The following RBM41 variants were observed in gnomAD, a reference collection of about 807,000 sequenced individuals.
RBM41 encodes RNA-binding protein 41.
A neutral mutation model predicts 30.8 loss-of-function variants in RBM41; 14 were observed. The observed-to-expected ratio is 0.45, with a 90% CI of 0.30 to 0.71. RBM41 has a LOEUF of 0.71. Ranked by LOEUF, RBM41 falls within the 30% of genes least tolerant of loss-of-function variation. RBM41 has a pLI of 0.08. For missense variants in RBM41, 276 were observed against 326.3 expected (o/e 0.85, Z 1.19); for synonymous variants, 120 against 110.1 (o/e 1.09, Z -0.56).
At chrX:107,118,738 G>A (rs766722624) in intron 1 of RBM41, 28 bp downstream of exon 1, 1 of 1,211,252 alleles carries the variant, frequency 8.3e-7, no homozygotes, top group Non-Finnish European at 1.1e-6. Flanking sequence ...AGCTCCCCTT[G>A]CCGCCTGCTC....
rs149788588 is a variant in RBM41 at position 107,062,419 on chromosome X, A to G, written c.*5108T>C. ...CACTTCCTTCTAAAAAGTCCAGCTT[A>G]GAAGTATGCCCCTGGTAACATGTAT... On this transcript the variant is annotated 3_prime_UTR_variant, in exon 8 of 8. Coordinates refer to ENST00000685964, the MANE Select transcript of RBM41 (RefSeq NM_001324242.2). Among the ~76,000 whole-genome samples the G allele has an allele frequency of 0.011, 1,187 of 111,626 alleles. 14 individuals are homozygous for G. The highest frequency in any genetic ancestry group is 0.037 in the African/African-American group (1,140 of 30,735).
intron 6 of RBM41, among the ~76,000 whole-genome samples, chrX:107,071,978 T>C (rs1195758719): frequency 9.0e-6 from 1 of 111,242 alleles, no homozygotes; most frequent in Non-Finnish European, 1.9e-5. Context: ...GTTGAAATGA[T>C]CATCCATGTA....
At chrX:107,097,580 C>T (rs753097534) in intron 5 of RBM41, among the ~76,000 whole-genome samples, 15 of 111,554 alleles carry the variant, frequency 1.3e-4, no homozygotes, top group Non-Finnish European at 2.6e-4. Flanking sequence ...CTTCCCCTTC[C>T]GCTATGATTT....
intron 6 of RBM41, among the ~76,000 whole-genome samples, chrX:107,083,777 T>C (rs773840834): frequency 3.6e-5 from 4 of 111,430 alleles, no homozygotes; most frequent in Non-Finnish European, 5.7e-5. Flanking sequence ...CTGTTTAGAT[T>C]AGCCATCTGG....
chrX:107,074,377 G>T (rs1364608882), intron 6 of RBM41, among the ~76,000 whole-genome samples: 1 of 111,443 alleles, frequency 9.0e-6, no homozygotes, highest in Non-Finnish European at 1.9e-5. Flanking sequence ...CTGCTACCTG[G>T]TGAATGGTGG....
chrX:107,084,597 C>T (rs1027542655), intron 6 of RBM41, among the ~76,000 whole-genome samples: 1 of 111,046 alleles, frequency 9.0e-6, no homozygotes, highest in African/African-American at 3.3e-5. Flanking sequence ...CTGTGGGCCC[C>T]CAGTTTTGTC....
chrX:107,085,173 C>A (rs1921905808), intron 6 of RBM41, among the ~76,000 whole-genome samples: 1 of 111,007 alleles, frequency 9.0e-6, no homozygotes, highest in Non-Finnish European at 1.9e-5. Flanking sequence ...CTAGACATTG[C>A]CATAATGTTC....
At chrX:107,052,725 G>A in the RBM41 span, among the ~76,000 whole-genome samples, 1 of 111,693 alleles carries the variant, frequency 9.0e-6, no homozygotes, top group Non-Finnish European at 1.9e-5. Flanking sequence ...TAACAAGGAG[G>A]TTAAAGATAC....
chrX:107,109,490 T>C lies in RBM41; in HGVS notation c.595+3907A>G, dbSNP rs146903581. ...ATTTGAGTCTTCTTTCTGTTTAACT[T>C]GATCAGTCTAGCTAAGGGATTATAA... On this transcript the variant is annotated intron_variant, in intron 5 of 7. Transcript: ENST00000685964. Among the ~76,000 whole-genome samples, 1,035 of 111,877 alleles carry C rather than the reference T, an allele frequency of 9.3e-3. 14 individuals are homozygous for C. The highest frequency in any genetic ancestry group is 0.032 in the African/African-American group (976 of 30,951).
At chrX:107,058,352 T>G (rs1322215628), downstream of RBM41, among the ~76,000 whole-genome samples, 1 of 109,678 alleles carries the variant, frequency 9.1e-6, no homozygotes, top group Non-Finnish European at 1.9e-5. Flanking sequence ...CTTTGTCTAT[T>G]GTAATAATCT....
At chrX:107,083,305 A>G (rs1466534368) in intron 6 of RBM41, among the ~76,000 whole-genome samples, 1 of 111,165 alleles carries the variant, frequency 9.0e-6, no homozygotes, top group African/African-American at 3.3e-5. Context: ...CTATATAGGT[A>G]AAGTGTTTAT....
chrX:107,108,654 T>TATCC (rs1169090410), intron 5 of RBM41, among the ~76,000 whole-genome samples: 2 of 112,549 alleles, frequency 1.8e-5, no homozygotes, highest in Non-Finnish European at 3.8e-5. Context: ...GACAATTGGC[T>TATCC]ATCCATATGC....
At chrX:107,071,222 A>C (rs1602548149) in intron 6 of RBM41, among the ~76,000 whole-genome samples, 1 of 104,065 alleles carries the variant, frequency 9.6e-6, no homozygotes, top group East Asian at 3.1e-4. Context: ...AAAAAAAAAA[A>C]CCCAATGAAC....
rs981691544 is a variant in RBM41, at chrX:107,074,210, C to T, written c.1000-4808G>A. ...TCTGTTCACTATATATTATATGTATCGAAACATCAGTATGTACCCCATAAA... is the reference window on the plus strand; with the variant it reads ...TCTGTTCACTATATATTATATGTATTGAAACATCAGTATGTACCCCATAAA... On this transcript the variant is annotated intron_variant, in intron 6 of 7. Transcript: ENST00000685964. Among the ~76,000 whole-genome samples, 4 of 110,797 alleles carry T rather than the reference C, an allele frequency of 3.6e-5. No homozygotes were observed. In the East Asian group the frequency reaches 8.4e-4, roughly 23 times the overall value.
rs967517537 is a variant in RBM41, at chrX:107,066,752, C to T, written c.*775G>A. 4 of 748,676 alleles carry T rather than the reference C, an allele frequency of 5.3e-6. No individual in the cohort carries two copies. Among genetic ancestry groups the T allele is most frequent in the Non-Finnish European group, 4.7e-6 (3 of 635,903 alleles). 61.7% of individuals were successfully genotyped at this position (748,676 alleles called of 1,213,427 possible). A position where few individuals can be genotyped will look rare whatever the true frequency, so the allele number is the denominator to read the frequency against. ...GACTGGCATCCTCTTTTCTAGAGAA[C>T]GCTTTATTTCCATTTCCGTTTGGCA... On this transcript the variant is annotated 3_prime_UTR_variant, in exon 8 of 8. Transcript: ENST00000685964.
At chrX:107,081,168 T>C (rs1480057466) in intron 6 of RBM41, among the ~76,000 whole-genome samples, 2 of 111,555 alleles carry the variant, frequency 1.8e-5, no homozygotes, top group Non-Finnish European at 3.8e-5. Context: ...TTTAGGTCTA[T>C]GACCATTACG....
chrX:107,106,747 T>G (rs1236351730), intron 5 of RBM41, among the ~76,000 whole-genome samples: 1 of 109,672 alleles, frequency 9.1e-6, no homozygotes, highest in Non-Finnish European at 1.9e-5. Flanking sequence ...GAAACCATCA[T>G]TCTCAGCAAA....
chrX:107,091,955 T>G (rs1342033393), intron 5 of RBM41, among the ~76,000 whole-genome samples: 1 of 111,882 alleles, frequency 8.9e-6, no homozygotes, highest in African/African-American at 3.2e-5. Flanking sequence ...CTCATACTGT[T>G]ATGAATAATG....
At chrX:107,117,235 A>G (rs969712990) in intron 1 of RBM41, among the ~76,000 whole-genome samples, 1 of 112,194 alleles carries the variant, frequency 8.9e-6, no homozygotes, top group Non-Finnish European at 1.9e-5. Flanking sequence ...AGGGAAAGAG[A>G]GTACAAAGGG....
Sources: allele counts gnomAD v4.1 joint callset (sites outside exome capture counted in the v4.1 genomes callset), GRCh38; gene constraint gnomAD v4.1.1; transcripts MANE v1.5; gene names NCBI Gene and HGNC (gene_info 2026-07-23, HGNC 2026-07-21).